NPR2: variants seen among roughly 807,000 people sequenced by gnomAD.
The protein encoded by NPR2 is natriuretic peptide receptor 2.
A neutral mutation model predicts 120.7 loss-of-function variants in NPR2; 49 were observed. The observed-to-expected ratio is 0.41, with a 90% CI of 0.32 to 0.52. The LOEUF (loss-of-function observed/expected upper bound fraction) is 0.52, where lower values mean the gene tolerates loss of function less well. NPR2 is among the 20% of genes least tolerant of loss of function. NPR2 has a pLI of 0.36. For missense variants in NPR2, 931 were observed against 1,362.9 expected, an observed-to-expected ratio of 0.68 and a Z score of 4.99; for synonymous variants, 484 against 519.8, an observed-to-expected ratio of 0.93 and a Z score of 0.94.
Position 35,809,328 on chromosome 9 carries a change from CA to C in NPR2, c.3079-49del. The C allele has an allele frequency of 6.2e-7, 1 of 1,611,282 alleles. No homozygotes were observed. The highest frequency in any genetic ancestry group is 1.1e-5 in the South Asian group (1 of 91,020). ...GGAATCATAGGGAAAGAGAGGGAGA[CA>C]AAGGGACTAACATCGAAGCATCTGA... On this transcript the variant is annotated intron_variant, in intron 21 of 21. Transcript: ENST00000342694. This position sits in a 1 kb window ranked among gnomAD's most constrained non-coding sequence, Gnocchi z 4.1.
intron 12 of NPR2, among the ~76,000 whole-genome samples, chr9:35,804,221 G>A (rs1297000542): frequency 1.4e-5 from 2 of 140,198 alleles, no homozygotes; most frequent in African/African-American, 2.6e-5. Context: ...TTTTTGGGGA[G>A]CATCATTAAG....
chr9:35,808,964 G>A lies in NPR2; in HGVS notation c.2986+111G>A, dbSNP rs972394997. ...TGAGAGACCACAGTTCCTTAGTGTC[G>A]CATCCTCGGGCATATTTTGGTTCTA... On this transcript the variant is annotated intron_variant, in intron 20 of 21. Transcript: ENST00000342694. The surrounding 1 kb of genome is among the most constrained non-coding windows in gnomAD (Gnocchi z 4.0). 38 of 922,880 alleles carry A rather than the reference G, an allele frequency of 4.1e-5. No individual in the cohort carries two copies. The highest frequency in any genetic ancestry group is 2.1e-4 in the Middle Eastern group (1 of 4,774). 57.2% of individuals were successfully genotyped at this position (922,880 alleles called of 1,614,324 possible). A position where few individuals can be genotyped will look rare whatever the true frequency, so the allele number is the denominator to read the frequency against.
chr9:35,805,503 C>A lies in NPR2; in HGVS notation c.1888-8C>A. On this transcript the variant is annotated splice_polypyrimidine_tract_variant and splice_region_variant and intron_variant, in intron 12 of 21. Transcript: ENST00000342694. This position sits in a 1 kb window ranked among gnomAD's most constrained non-coding sequence, Gnocchi z 4.9. ...ATCCAATCCCATGACTTGATCTGTA[C>A]CCTGCAGGGCATGGCCTTTCTCCAC... 3 of 1,614,040 alleles carry A rather than the reference C, an allele frequency of 1.9e-6. No individual in the cohort carries two copies. Among genetic ancestry groups the A allele is most frequent in the Non-Finnish European group, 2.5e-6 (3 of 1,179,924 alleles).
At position 35,808,049 on chromosome 9, in the gene NPR2, C is replaced by G. The variant is rs1447667335; in HGVS notation, c.2713-460C>G. 13 of 743,794 alleles carry G rather than the reference C, an allele frequency of 1.7e-5. No homozygotes were observed. Among genetic ancestry groups the G allele is most frequent in the Non-Finnish European group, 2.1e-5 (9 of 426,186 alleles). 46.1% of individuals were successfully genotyped at this position (743,794 alleles called of 1,614,324 possible). A position where few individuals can be genotyped will look rare whatever the true frequency, so the allele number is the denominator to read the frequency against. On this transcript the variant is annotated intron_variant, in intron 18 of 21. Transcript: ENST00000342694. The surrounding 1 kb of genome is among the most constrained non-coding windows in gnomAD (Gnocchi z 4.0). ...TCCTAAAAACTTCACTGTGTATTTC[C>G]TTAAAACAATGGCATTTATTCTCTT...
Position 35,801,153 on chromosome 9 carries a change from C to T in NPR2, c.1435C>T (p.Arg479Ter), listed in dbSNP as rs1057519324. The T allele has an allele frequency of 1.9e-6, 3 of 1,612,484 alleles. No individual in the cohort carries two copies. The highest frequency in any genetic ancestry group is 2.5e-6 in the Non-Finnish European group (3 of 1,178,614). ...TGGTGTTTCCAGCTTCCTAATTTTC[C>T]GGTGAGTTCTGGGTTTCTTGCTGAC... ...MFGVSSFLIFRKLMLEKELAS... is the reference protein window; with the variant it reads ...MFGVSSFLIF The change falls in exon 7 of 22, where the codon CGA becomes TGA. Residue 479 changes from arginine to a stop codon, truncating the protein, a stop_gained and splice_region_variant. Transcript: ENST00000342694. LOFTEE classifies it high-confidence loss of function.
Position 35,802,077 on chromosome 9 carries a change from C to T in NPR2, c.1632+77C>T, listed in dbSNP as rs1030702384. Reference sequence around the variant, plus strand: ...CCCATCTGCCACCTCTGCCCCTGAACCTCTGTCCCTCATACCCGACTCTCT... The same window carrying T: ...CCCATCTGCCACCTCTGCCCCTGAATCTCTGTCCCTCATACCCGACTCTCT... On this transcript the variant is annotated intron_variant, in intron 9 of 21. Transcript: ENST00000342694. This position sits in a 1 kb window ranked among gnomAD's most constrained non-coding sequence, Gnocchi z 4.2. 1.4e-6 allele frequency: 2 copies of T among 1,437,904 alleles called. No individual in the cohort carries two copies. Among genetic ancestry groups the T allele is most frequent in the Non-Finnish European group, 2.0e-6 (2 of 1,019,326 alleles). 89.1% of individuals were successfully genotyped at this position (1,437,904 alleles called of 1,614,324 possible). A position where few individuals can be genotyped will look rare whatever the true frequency, so the allele number is the denominator to read the frequency against.
chr9:35,807,155 C>A lies in NPR2; in HGVS notation c.2643+9C>A. The A allele has an allele frequency of 2.0e-6, 2 of 999,354 alleles. No individual in the cohort carries two copies. Among genetic ancestry groups the A allele is most frequent in the Non-Finnish European group, 2.8e-6 (2 of 712,338 alleles). The allele number at this position is 999,354 out of a possible 1,614,324, so 61.9% of individuals were successfully genotyped here. ...AGAGCACCCCCATGCAGGTGAGAGC[C>A]ATGGGTGAGAGGTGGCGGGTGGGGT... On this transcript the variant is annotated intron_variant, in intron 17 of 21. Transcript: ENST00000342694.
At chr9:35,798,585 C>A (rs900113894) in intron 2 of NPR2, among the ~76,000 whole-genome samples, 1 of 152,178 alleles carries the variant, frequency 6.6e-6, no homozygotes, top group Non-Finnish European at 1.5e-5. Flanking sequence ...CTTTCTATGA[C>A]AAGAATAAAC....
rs1328184948 is a variant in NPR2, at chr9:35,805,821, T to C, written c.2048-9T>C. The C allele has an allele frequency of 6.2e-7, 1 of 1,614,082 alleles. No homozygotes were observed. On this transcript the variant is annotated splice_polypyrimidine_tract_variant and intron_variant, in intron 13 of 21. Transcript: ENST00000342694. This position sits in a 1 kb window ranked among gnomAD's most constrained non-coding sequence, Gnocchi z 4.9. The stretch of plus-strand genomic sequence containing the variant: ...CGGGGGACCTGGCCAGCCGGTTTCC[T>C]CTTTTCAGAGAAGCTGTGGACTGCC...
At chr9:35,807,188 G>GC in intron 17 of NPR2, 42 bp downstream of exon 17, 6 of 464,602 alleles carry the variant, frequency 1.3e-5, no homozygotes, top group Non-Finnish European at 2.6e-5. Context: ...GGTTGGGTGG[G>GC]TAGGGACCTG....
Position 35,805,962 on chromosome 9 carries a change from A to C in NPR2, c.2180A>C (p.Glu727Ala), listed in dbSNP as rs1828359422. ...IALRSGPFYL[E>A]GLDLSPKEIV... is the part of the protein sequence containing the mutation. ...CTTCGCAGTGGTCCTTTCTACTTGG[A>C]GGGCCTGGACCTCAGCCCCAAAGGT... is the stretch of plus-strand genomic sequence containing the variant. Residue 727 changes from glutamate (E) to alanine (A), a missense_variant, in exon 14 of 22, where the codon GAG (glutamate) becomes GCG (alanine). Glu to Ala is a moderately radical substitution (Grantham distance 107). Transcript: ENST00000342694. This position sits in a 1 kb window ranked among gnomAD's most constrained non-coding sequence, Gnocchi z 4.9. 6.2e-7 allele frequency: 1 copy of C among 1,614,238 alleles called. No homozygotes were observed. Among genetic ancestry groups the C allele is most frequent in the Non-Finnish European group, 8.5e-7 (1 of 1,180,048 alleles).
At chr9:35,794,153 G>T in intron 2 of NPR2, 50 bp downstream of exon 2, 1 of 1,548,510 alleles carries the variant, frequency 6.5e-7, no homozygotes, top group Non-Finnish European at 8.8e-7. Flanking sequence ...GTGCTTCGCT[G>T]GAAATTCTCT....
rs1220466895 is a variant in NPR2 at position 35,792,132 on chromosome 9, G to T, written c.-277G>T. 6 of 531,464 alleles carry T rather than the reference G, an allele frequency of 1.1e-5. No homozygotes were observed. The East Asian group carries it at 1.3e-4, about 11-fold the overall frequency. The allele number at this position is 531,464 out of a possible 1,614,324, so 32.9% of individuals were successfully genotyped here. A position where few individuals can be genotyped will look rare whatever the true frequency, so the allele number is the denominator to read the frequency against. ...ACCTCGCACTGTCCCCATCCTGGCC[G>T]CAGGCCCCCTCGGTCCCTCCCTCCC... On this transcript the variant is annotated 5_prime_UTR_variant, in exon 1 of 22. Coordinates refer to ENST00000342694, the MANE Select transcript of NPR2 (RefSeq NM_003995.4).
At chr9:35,801,878 T>G (rs765737566) in intron 8 of NPR2, 48 bp from the exon 9 acceptor site, 3 of 1,608,008 alleles carry the variant, frequency 1.9e-6, no homozygotes, top group Non-Finnish European at 2.6e-6. Context: ...ACCACCATCA[T>G]CTAATGTTCC....
chr9:35,800,810 C>T lies in NPR2; in HGVS notation c.1320C>T (p.Ala440=), dbSNP rs555688888. Residue 440 remains alanine (A), a synonymous_variant, in exon 6 of 22, where the codon GCC becomes GCT. Transcript: ENST00000342694. This position sits in a 1 kb window ranked among gnomAD's most constrained non-coding sequence, Gnocchi z 4.7. The part of the protein sequence containing the change: ...GAPPSDNPPC[A]FDLDDPSCDK... Reference sequence around the variant, plus strand: ...CTCCCTCGGACAATCCCCCCTGTGCCTTTGACTTGGACGACCCATCCTGTG... The same window carrying T: ...CTCCCTCGGACAATCCCCCCTGTGCTTTTGACTTGGACGACCCATCCTGTG... 27 of 1,614,154 alleles carry T rather than the reference C, an allele frequency of 1.7e-5. No individual in the cohort carries two copies. In the South Asian group the frequency reaches 2.4e-4, roughly 14 times the overall value.
chr9:35,793,353 G>A (rs761904073), intron 1 of NPR2, among the ~76,000 whole-genome samples: 85 of 152,228 alleles, frequency 5.6e-4, no homozygotes, highest in South Asian at 3.7e-3. Context: ...ATTAAGTTTC[G>A]GGAGCAATGT....
In NPR2 at chr9:35,792,222, C is replaced by G; in HGVS notation, c.-187C>G. 1 of 601,864 alleles carries G rather than the reference C, an allele frequency of 1.7e-6. No individual in the cohort carries two copies. Among genetic ancestry groups the G allele is most frequent in the Non-Finnish European group, 2.9e-6 (1 of 348,160 alleles). The allele number at this position is 601,864 out of a possible 1,614,324, so 37.3% of individuals were successfully genotyped here. A position where few individuals can be genotyped will look rare whatever the true frequency, so the allele number is the denominator to read the frequency against. ...CTGGTAGCCCACTCCTTGCCCGCCC[C>G]CCGCCTTCCTCCCATCTCCCCCTCC... On this transcript the variant is annotated 5_prime_UTR_variant, in exon 1 of 22. Coordinates refer to ENST00000342694, the MANE Select transcript of NPR2 (RefSeq NM_003995.4).
intron 12 of NPR2, among the ~76,000 whole-genome samples, chr9:35,804,188 C>G (rs1196226296): frequency 6.6e-6 from 1 of 151,376 alleles, no homozygotes; most frequent in Non-Finnish European, 1.5e-5. Flanking sequence ...CCTGAACTGA[C>G]TTGGGTGGCT....
In NPR2 at chr9:35,806,586, G is replaced by A. The variant is rs999881202; in HGVS notation, c.2519+48G>A. The stretch of plus-strand genomic sequence containing the variant: ...GTATTTTCTTTTGGGATTCTGCTCT[G>A]TTGGGCTCTGCCTCATCAGGCACCT... On this transcript the variant is annotated intron_variant, in intron 16 of 21. Transcript: ENST00000342694. The surrounding 1 kb of genome is among the most constrained non-coding windows in gnomAD (Gnocchi z 4.6). The A allele has an allele frequency of 1.9e-6, 3 of 1,610,736 alleles. No individual in the cohort carries two copies. Among genetic ancestry groups the A allele is most frequent in the Non-Finnish European group, 2.5e-6 (3 of 1,177,520 alleles).
Sources: allele counts gnomAD v4.1 joint callset (sites outside exome capture counted in the v4.1 genomes callset), GRCh38; gene constraint gnomAD v4.1.1; non-coding constraint Gnocchi (gnomAD v3.1); transcripts MANE v1.5; gene names NCBI Gene and HGNC (gene_info 2026-07-23, HGNC 2026-07-21).